LAMA2: variants seen among roughly 807,000 people sequenced by gnomAD.
LAMA2 encodes the protein laminin subunit alpha-2.
Under a neutral mutation model 364.8 loss-of-function variants are expected in LAMA2, and 269 were observed. The observed-to-expected ratio is 0.74, with a 90% CI of 0.67 to 0.82. The LOEUF is 0.82. Among genes scored for constraint, LAMA2 ranks in the 40% least tolerant of loss-of-function variants. The pLI, the probability that LAMA2 is intolerant of heterozygous loss-of-function variation, is 0.00. For synonymous variants in LAMA2, 1,379 were observed against 1,370.6 expected (o/e 1.01, Z -0.14); for missense variants, 3,807 against 3,873.2 (o/e 0.98, Z 0.45).
chr6:129,290,068 G>A (rs1168142883), intron 19 of LAMA2, among the ~76,000 whole-genome samples: 3 of 151,946 alleles, frequency 2.0e-5, no homozygotes, highest in Non-Finnish European at 4.4e-5. Context: ...TATATCGTTG[G>A]TGTCATATTT....
intron 1 of LAMA2, among the ~76,000 whole-genome samples, chr6:129,041,665 G>A (rs934680127): frequency 1.3e-5 from 2 of 152,082 alleles, no homozygotes; most frequent in East Asian, 1.9e-4. Flanking sequence ...CACTTGGTAA[G>A]GTTGAAAGAA....
intron 4 of LAMA2, among the ~76,000 whole-genome samples, chr6:129,133,189 A>AT (rs1320512617): frequency 6.6e-6 from 1 of 152,204 alleles, no homozygotes; most frequent in Non-Finnish European, 1.5e-5. Flanking sequence ...AAATAATTTA[A>AT]TTTTTTAAAA....
chr6:129,210,835 C>T (rs997321076), intron 12 of LAMA2, among the ~76,000 whole-genome samples: 8 of 152,066 alleles, frequency 5.3e-5, no homozygotes, highest in African/African-American at 1.7e-4. Flanking sequence ...AGACAGATGC[C>T]GGTTACGGTG....
chr6:129,046,182 C>G (rs538607295), intron 1 of LAMA2, among the ~76,000 whole-genome samples: 1 of 152,274 alleles, frequency 6.6e-6, no homozygotes, highest in African/African-American at 2.4e-5. Context: ...TTTTAAAGAA[C>G]TGGAGAAAAG....
intron 28 of LAMA2, among the ~76,000 whole-genome samples, chr6:129,321,530 G>C (rs1333931480): frequency 6.6e-6 from 1 of 152,168 alleles, no homozygotes; most frequent in Admixed American, 6.5e-5. Context: ...TTTCTCATTA[G>C]TCAGGCTGGC....
At chr6:128,916,791 C>T in intron 1 of LAMA2, among the ~76,000 whole-genome samples, 1 of 152,286 alleles carries the variant, frequency 6.6e-6, no homozygotes, top group African/African-American at 2.4e-5. Flanking sequence ...TCCAATTCAG[C>T]ATCTTTTCCA....
Position 128,990,933 on chromosome 6 carries a change from G to A in LAMA2, c.113-58985G>A, listed in dbSNP as rs72618506. Among the ~76,000 whole-genome samples, 1,443 of 152,228 alleles carry A rather than the reference G, an allele frequency of 9.5e-3. 82 individuals carry two copies. The East Asian group carries it at 0.17, about 18-fold the overall frequency. The stretch of plus-strand genomic sequence containing the variant: ...TAAAAGTTAAAAGAACCGCTCTACA[G>A]AGCTAAGAATACAGGTATTTTAATT... On this transcript the variant is annotated intron_variant, in intron 1 of 64. Coordinates refer to ENST00000421865, the MANE Select transcript of LAMA2 (RefSeq NM_000426.4).
chr6:129,069,071 G>A (rs1453307152), intron 3 of LAMA2, among the ~76,000 whole-genome samples: 1 of 151,986 alleles, frequency 6.6e-6, no homozygotes, highest in Admixed American at 6.6e-5. Flanking sequence ...CCTAGAAAAT[G>A]CTTCTTGAAG....
At chr6:129,242,479 G>A (rs866780896) in intron 12 of LAMA2, among the ~76,000 whole-genome samples, 10 of 152,090 alleles carry the variant, frequency 6.6e-5, no homozygotes, top group East Asian at 1.9e-4. Flanking sequence ...TATTATGAGC[G>A]TGTGGCTTTT....
intron 1 of LAMA2, among the ~76,000 whole-genome samples, chr6:129,008,622 T>C (rs1300901004): frequency 2.6e-5 from 4 of 152,192 alleles, no homozygotes; most frequent in African/African-American, 9.6e-5. Context: ...AAATTTTTGA[T>C]CTTTATTAAA....
chr6:129,198,130 A>G (rs1562321600), intron 12 of LAMA2, among the ~76,000 whole-genome samples: 2 of 152,210 alleles, frequency 1.3e-5, no homozygotes, highest in Middle Eastern at 6.8e-3. Flanking sequence ...TTGGCAACAA[A>G]ACTTACGTAA....
chr6:129,321,739 T>C (rs1231359484), intron 28 of LAMA2, among the ~76,000 whole-genome samples: 4 of 152,226 alleles, frequency 2.6e-5, no homozygotes, highest in Non-Finnish European at 5.9e-5. Context: ...TTATAAATAA[T>C]TTTATACATC....
At chr6:129,425,844 C>T in intron 40 of LAMA2, among the ~76,000 whole-genome samples, 1 of 151,918 alleles carries the variant, frequency 6.6e-6, no homozygotes, top group East Asian at 1.9e-4. Context: ...TGATGCTATT[C>T]CTTATTTTCT....
chr6:128,956,837 A>G (rs971131217), intron 1 of LAMA2, among the ~76,000 whole-genome samples: 3 of 152,074 alleles, frequency 2.0e-5, no homozygotes, highest in African/African-American at 7.2e-5. Context: ...GAACACCAAA[A>G]TCGAATGATG....
intron 40 of LAMA2, among the ~76,000 whole-genome samples, chr6:129,413,653 T>G (rs537566018): frequency 1.3e-5 from 2 of 152,272 alleles, no homozygotes; most frequent in South Asian, 4.1e-4. Flanking sequence ...ATAAAAAACA[T>G]ACTTCAAAGT....
At chr6:129,424,876 T>C (rs1781249707) in intron 40 of LAMA2, among the ~76,000 whole-genome samples, 1 of 146,828 alleles carries the variant, frequency 6.8e-6, no homozygotes, top group South Asian at 2.1e-4. Flanking sequence ...AGATAAATGA[T>C]GGCATATGTT....
chr6:129,340,801 A>T (rs550036317), intron 29 of LAMA2, among the ~76,000 whole-genome samples: 2 of 141,390 alleles, frequency 1.4e-5, no homozygotes, highest in Admixed American at 7.7e-5. Context: ...GTGCCACTGC[A>T]CTCCAGCCTG....
In LAMA2 at chr6:129,286,575, ATT is replaced by A. The variant is rs1491165468; in HGVS notation, c.2538-1270_2538-1269del. Among the ~76,000 whole-genome samples the A allele has an allele frequency of 2.1e-3, 4 of 1,948 alleles. 1 individual carries two copies. The highest frequency in any genetic ancestry group is 0.017 in the South Asian group (1 of 60). 1.3% of individuals were successfully genotyped at this position (1,948 alleles called of 152,430 possible). A position where few individuals can be genotyped will look rare whatever the true frequency, so the allele number is the denominator to read the frequency against. ...TATAAATAGTTTTATATTATATTAT[ATT>A]TATATAATATATATAATAATATATA... On this transcript the variant is annotated intron_variant, in intron 18 of 64. Transcript: ENST00000421865.
intron 36 of LAMA2, 73 bp downstream of exon 36, chr6:129,391,726 T>C: frequency 1.5e-6 from 2 of 1,298,716 alleles, no homozygotes; most frequent in Non-Finnish European, 2.2e-6. Context: ...TTCTAAATTT[T>C]TATCACACGT....
Sources: gnomAD v4.1 joint callset for allele counts (sites outside exome capture counted in the v4.1 genomes callset) on GRCh38, gnomAD v4.1.1 for gene constraint, MANE v1.5 for transcripts, NCBI Gene and HGNC (gene_info 2026-07-23, HGNC 2026-07-21) for gene names.